The following TNK2 variants were observed in gnomAD, a reference collection of about 807,000 sequenced individuals.
TNK2 encodes the protein activated CDC42 kinase 1.
In TNK2, 83 loss-of-function variants were observed where a neutral mutation model predicts 101.8. The ratio of observed to expected loss-of-function variants is 0.82; its 90% CI spans 0.68 to 0.98. TNK2 has a LOEUF of 0.98. Ranked by LOEUF, TNK2 falls within the 50% of genes least tolerant of loss-of-function variation. The probability of loss-of-function intolerance (pLI) is 0.00; values close to 1 mark genes in which losing one functional copy is unlikely to be tolerated. For synonymous variants in TNK2, 804 were observed against 633.0 expected (o/e 1.27, Z -4.06); for missense variants, 1,665 against 1,483.2 (o/e 1.12, Z -2.01).
At chr3:195,870,571 T>C (rs1744421498) in intron 10 of TNK2, among the ~76,000 whole-genome samples, 1 of 152,212 alleles carries the variant, frequency 6.6e-6, no homozygotes, top group African/African-American at 2.4e-5. Context: ...GAACGGGGCA[T>C]CCCAGCTATG....
intron 9 of TNK2, chr3:195,876,339 C>G: frequency 2.2e-6 from 1 of 449,016 alleles, no homozygotes; most frequent in Non-Finnish European, 4.5e-6. Context: ...GAAACAAATA[C>G]TGGACACAGC....
At chr3:195,896,205 GC>G in intron 1 of TNK2, 1 of 428,132 alleles carries the variant, frequency 2.3e-6, no homozygotes, top group East Asian at 8.8e-5. Context: ...CTCCCCCGGG[GC>G]CCCAAGGCAC....
In TNK2 at chr3:195,867,203, C is replaced by T; in HGVS notation, c.2999G>A (p.Gly1000Asp). 6.2e-7 allele frequency: 1 copy of T among 1,613,026 alleles called. No homozygotes were observed. The highest frequency in any genetic ancestry group is 1.7e-5 in the Admixed American group (1 of 60,026). Residue 1000 changes from glycine to aspartate, a missense_variant, in exon 14 of 16, where the codon GGC (glycine) becomes GAC (aspartate). Gly to Asp is a moderately conservative substitution (Grantham distance 94). Transcript: ENST00000672887. ...EECQAALQCH[G>D]WSVQRAAQYL... The stretch of plus-strand genomic sequence containing the variant: ...CTGGGCAGCCCTCTGCACGCTCCAG[C>T]CGTGGCACTGCAGGGCCGCCTGGCA...
chr3:195,882,560 AG>A lies in TNK2; in HGVS notation c.610-233del, dbSNP rs1270452124. On this transcript the variant is annotated intron_variant, in intron 5 of 15. Transcript: ENST00000672887. The surrounding 1 kb of genome is among the most constrained non-coding windows in gnomAD (Gnocchi z 4.2). ...GAAGGAGCCCAAAGAGGCAGTGGCTAGAAATTCCAAAACTCAGCTGGACGTG... is the reference window on the plus strand; with the variant it reads ...GAAGGAGCCCAAAGAGGCAGTGGCTAAAATTCCAAAACTCAGCTGGACGTG... 2 of 1,517,628 alleles carry A rather than the reference AG, an allele frequency of 1.3e-6. No homozygotes were observed. The highest frequency in any genetic ancestry group is 2.4e-5 in the South Asian group (2 of 83,018). The allele number at this position is 1,517,628 out of a possible 1,614,324, so 94.0% of individuals were successfully genotyped here.
intron 9 of TNK2, chr3:195,876,753 A>AGGGCG (rs767030165): frequency 9.6e-6 from 4 of 418,706 alleles, no homozygotes; most frequent in South Asian, 1.7e-5. Flanking sequence ...CTTCGACGGA[A>AGGGCG]GGGCGGGGCG....
Position 195,879,041 on chromosome 3 carries a change from G to A in TNK2, c.1014+8C>T, listed in dbSNP as rs1750997161. The A allele has an allele frequency of 6.2e-7, 1 of 1,612,904 alleles. No homozygotes were observed. Among genetic ancestry groups the A allele is most frequent in the East Asian group, 2.2e-5 (1 of 44,884 alleles). The stretch of plus-strand genomic sequence containing the variant: ...CAGCCCTATGGGGGCCCGTCTCCCA[G>A]CCCTCACCTGACTGCCGTTGAGGCC... On this transcript the variant is annotated splice_region_variant and intron_variant, in intron 7 of 15. Coordinates refer to ENST00000672887, the MANE Select transcript of TNK2 (RefSeq NM_001382273.1).
chr3:195,885,361 C>G lies in TNK2; in HGVS notation c.235-328G>C, dbSNP rs939489019. 53 of 1,368,300 alleles carry G rather than the reference C, an allele frequency of 3.9e-5. No individual in the cohort carries two copies. Among genetic ancestry groups the G allele is most frequent in the Non-Finnish European group, 5.0e-5 (52 of 1,045,018 alleles). 84.8% of individuals were successfully genotyped at this position (1,368,300 alleles called of 1,614,324 possible). ...CCAAGGTCGGAGTCTCCTCCCAGTC[C>G]TGCCCCACCCTCCCTTCCTGCACCC... On this transcript the variant is annotated intron_variant, in intron 3 of 15. Transcript: ENST00000672887. This position sits in a 1 kb window ranked among gnomAD's most constrained non-coding sequence, Gnocchi z 4.7.
chr3:195,868,814 T>C, intron 12 of TNK2, 105 bp from the exon 13 acceptor site: 1 of 1,338,530 alleles, frequency 7.5e-7, no homozygotes, highest in Non-Finnish European at 9.8e-7. Flanking sequence ...CCAGCAACCC[T>C]CCACTCCCAA....
chr3:195,869,925 C>T (rs1463956385), intron 11 of TNK2, 189 bp downstream of exon 11: 1 of 572,008 alleles, frequency 1.7e-6, no homozygotes. Flanking sequence ...GGAGGCCCAC[C>T]TCGGCGGATA....
rs1336161502 is a variant in TNK2 at position 195,878,740 on chromosome 3, T to C, written c.1015-148A>G. ...ATCTGCCTGCCTGGGAGGGGCCCTC[T>C]CCAGAGCCCCAGTCCCTTCTTCCCA... On this transcript the variant is annotated intron_variant, in intron 7 of 15. Coordinates refer to ENST00000672887, the MANE Select transcript of TNK2 (RefSeq NM_001382273.1). The surrounding 1 kb of genome is among the most constrained non-coding windows in gnomAD (Gnocchi z 4.7). The C allele has an allele frequency of 4.0e-6, 5 of 1,245,178 alleles. No homozygotes were observed. Among genetic ancestry groups the C allele is most frequent in the Admixed American group, 4.8e-5 (2 of 41,492 alleles). 77.1% of individuals were successfully genotyped at this position (1,245,178 alleles called of 1,614,324 possible).
intron 9 of TNK2, chr3:195,876,763 G>GGGCA (rs1749601578): frequency 5.0e-6 from 2 of 396,716 alleles, no homozygotes; most frequent in Admixed American, 5.8e-5. Flanking sequence ...AGGGCGGGGC[G>GGGCA]GGGCACACCC....
chr3:195,895,587 G>T (rs1436644234), intron 1 of TNK2: 1 of 1,311,898 alleles, frequency 7.6e-7, no homozygotes, highest in Non-Finnish European at 9.7e-7. Flanking sequence ...CCCTCTCCCA[G>T]TGAGCCAGCT....
At chr3:195,883,453 G>C (rs1754156835) in intron 4 of TNK2, 144 bp from the exon 5 acceptor site, 1 of 968,344 alleles carries the variant, frequency 1.0e-6, no homozygotes. Context: ...CCAGTGCCTG[G>C]GCTTACGTGC....
chr3:195,872,039 TCCCCTGGAG>T (rs1745820510), intron 10 of TNK2, among the ~76,000 whole-genome samples: 1 of 140,674 alleles, frequency 7.1e-6, no homozygotes, highest in Non-Finnish European at 1.5e-5. Flanking sequence ...TGGAGAACCC[TCCCCTGGAG>T]AACACTCCCC....
intron 1 of TNK2, chr3:195,895,483 C>T: frequency 7.3e-7 from 1 of 1,363,984 alleles, no homozygotes; most frequent in Non-Finnish European, 9.4e-7. Flanking sequence ...CGGCCGGCGG[C>T]CGGGTGGTCG....
intron 9 of TNK2, among the ~76,000 whole-genome samples, chr3:195,877,909 AGGGAGAGAAGCG>A (rs200283876): frequency 0.012 from 1,840 of 152,262 alleles, 33 homozygotes; most frequent in African/African-American, 0.043. Flanking sequence ...AGGAAGAAGC[AGGGAGAGAAGCG>A]GGGAGGAGCA....
At chr3:195,877,316 C>T (rs1295589213) in intron 9 of TNK2, among the ~76,000 whole-genome samples, 1 of 152,154 alleles carries the variant, frequency 6.6e-6, no homozygotes, top group Non-Finnish European at 1.5e-5. Context: ...CCTGGGAAGG[C>T]TCGGGGTGTC....
rs1055126479 is a variant in TNK2, at chr3:195,867,168, C to A, written c.3033+1G>T. ...CCAGAGTGAGCAGGAGGTGGCGGTACCTTCAGATACTGGGCAGCCCTCTGC... is the reference window on the plus strand; with the variant it reads ...CCAGAGTGAGCAGGAGGTGGCGGTAACTTCAGATACTGGGCAGCCCTCTGC... On this transcript the variant is annotated splice_donor_variant, in intron 14 of 15. Coordinates refer to ENST00000672887, the MANE Select transcript of TNK2 (RefSeq NM_001382273.1). LOFTEE classifies it high-confidence loss of function. 5 of 1,612,644 alleles carry A rather than the reference C, an allele frequency of 3.1e-6. No homozygotes were observed. Among genetic ancestry groups the A allele is most frequent in the Non-Finnish European group, 3.4e-6 (4 of 1,179,828 alleles).
At chr3:195,892,445 G>A in intron 1 of TNK2, 1 of 1,535,518 alleles carries the variant, frequency 6.5e-7, no homozygotes, top group South Asian at 1.2e-5. Context: ...GGCCAGGAGA[G>A]GGAAGGAGAG....
Sources: gnomAD v4.1 joint callset for allele counts (sites outside exome capture counted in the v4.1 genomes callset) on GRCh38, gnomAD v4.1.1 for gene constraint, Gnocchi (gnomAD v3.1) non-coding constraint, MANE v1.5 for transcripts, NCBI Gene and HGNC (gene_info 2026-07-23, HGNC 2026-07-21) for gene names.